MGAT4C: variants seen among roughly 807,000 people sequenced by gnomAD.
The protein encoded by MGAT4C is alpha-1,3-mannosyl-glycoprotein 4-beta-N-acetylglucosaminyltransferase C.
A neutral mutation model predicts 40.1 loss-of-function variants in MGAT4C; 19 were observed. The ratio of observed to expected loss-of-function variants is 0.47; its 90% CI spans 0.33 to 0.70. The LOEUF is 0.70. Ranked by LOEUF, MGAT4C falls within the 30% of genes least tolerant of loss-of-function variation. The pLI is 0.02. For missense variants in MGAT4C, 491 were observed against 563.2 expected (o/e 0.87, Z 1.30); for synonymous variants, 181 against 187.1 (o/e 0.97, Z 0.27).
intron 1 of MGAT4C, among the ~76,000 whole-genome samples, chr12:86,158,490 A>AAAAAG (rs1566067298): frequency 2.0e-5 from 3 of 152,304 alleles, no homozygotes. Context: ...ATAAATAAGC[A>AAAAAG]AAAATTTAAA....
At chr12:86,073,252 G>A (rs564762935) in intron 1 of MGAT4C, among the ~76,000 whole-genome samples, 1 of 152,260 alleles carries the variant, frequency 6.6e-6, no homozygotes, top group South Asian at 2.1e-4. Context: ...TGCCACAATT[G>A]TGAGGGCTTC....
chr12:86,024,781 G>C (rs11614214), intron 2 of MGAT4C, among the ~76,000 whole-genome samples: 36,102 of 151,660 alleles, frequency 0.24, 5,088 homozygotes, highest in Non-Finnish European at 0.32. Context: ...CAAATGTGAA[G>C]AATAAGTATC....
At chr12:86,472,194 C>T (rs1957766889) in intron 2 of MGAT4C, among the ~76,000 whole-genome samples, 2 of 152,100 alleles carry the variant, frequency 1.3e-5, no homozygotes, top group Admixed American at 6.5e-5. Flanking sequence ...TACTTTGTCT[C>T]CTTCCTATGT....
intron 2 of MGAT4C, among the ~76,000 whole-genome samples, chr12:86,623,727 T>G (rs1335638470): frequency 1.3e-5 from 2 of 152,208 alleles, no homozygotes; most frequent in Non-Finnish European, 2.9e-5. Flanking sequence ...AAAAGCCAGC[T>G]ATTTCAGAAC....
At chr12:86,706,403 C>T (rs1593135444) in intron 2 of MGAT4C, among the ~76,000 whole-genome samples, 1 of 151,910 alleles carries the variant, frequency 6.6e-6, no homozygotes, top group Admixed American at 6.6e-5. Context: ...TTATTTCATG[C>T]TAGGTTTAAA....
intron 1 of MGAT4C, among the ~76,000 whole-genome samples, chr12:86,131,139 G>C (rs1471631537): frequency 1.3e-5 from 2 of 151,930 alleles, no homozygotes; most frequent in African/African-American, 2.4e-5. Flanking sequence ...ATACGGCTTT[G>C]GACAAGTAAT....
intron 2 of MGAT4C, among the ~76,000 whole-genome samples, chr12:86,548,088 G>T (rs1959209540): frequency 6.6e-6 from 1 of 152,106 alleles, no homozygotes; most frequent in Admixed American, 6.5e-5. Context: ...GACTGTATGT[G>T]TATTTTATAG....
chr12:85,981,208 A>T (rs1482661951), intron 4 of MGAT4C, among the ~76,000 whole-genome samples: 1 of 152,156 alleles, frequency 6.6e-6, no homozygotes, highest in Non-Finnish European at 1.5e-5. Flanking sequence ...TAAAATTAGG[A>T]ATTAGATATG....
intron 1 of MGAT4C, among the ~76,000 whole-genome samples, chr12:86,244,452 C>A (rs896154088): frequency 1.3e-5 from 2 of 152,166 alleles, no homozygotes; most frequent in Non-Finnish European, 2.9e-5. Context: ...ATAGAGCTCC[C>A]CAAATTAAAC....
intron 2 of MGAT4C, among the ~76,000 whole-genome samples, chr12:86,601,003 C>G (rs1394706495): frequency 6.6e-6 from 1 of 152,224 alleles, no homozygotes; most frequent in Non-Finnish European, 1.5e-5. Context: ...TGTGCACACT[C>G]GCGGTAGTGC....
chr12:86,327,024 A>G (rs115221589), intron 4 of MGAT4C, among the ~76,000 whole-genome samples: 152 of 152,316 alleles, frequency 1.0e-3, no homozygotes, highest in African/African-American at 3.6e-3. Flanking sequence ...ACTTTTCCCT[A>G]CAATGACTAA....
chr12:86,704,574 A>C (rs893312970), intron 2 of MGAT4C, among the ~76,000 whole-genome samples: 7 of 152,158 alleles, frequency 4.6e-5, no homozygotes, highest in African/African-American at 1.7e-4. Flanking sequence ...GGGAGAAAGA[A>C]GGACAAAAAG....
chr12:86,110,842 A>G (rs1340061964), intron 1 of MGAT4C, among the ~76,000 whole-genome samples: 2 of 151,708 alleles, frequency 1.3e-5, no homozygotes, highest in Non-Finnish European at 3.0e-5. Context: ...AATTTATATG[A>G]TGATAACTAT....
chr12:86,714,898 C>A (rs1950620499), intron 2 of MGAT4C, among the ~76,000 whole-genome samples: 1 of 151,860 alleles, frequency 6.6e-6, no homozygotes, highest in African/African-American at 2.4e-5. Context: ...GATATTAAAA[C>A]AATAATAGCT....
chr12:86,501,494 A>T (rs972584107), intron 2 of MGAT4C, among the ~76,000 whole-genome samples: 2 of 68,410 alleles, frequency 2.9e-5, no homozygotes, highest in African/African-American at 5.4e-5. Flanking sequence ...TCCCCCGCCC[A>T]CCCTCCCTCA....
At chr12:86,296,100 A>G (rs12821590) in intron 4 of MGAT4C, among the ~76,000 whole-genome samples, 2 of 74,908 alleles carry the variant, frequency 2.7e-5, no homozygotes, top group Non-Finnish European at 5.0e-5. Context: ...ACAGAGTGTC[A>G]ATTGGTGCAC....
At chr12:86,423,825 A>G (rs1956876879) in intron 3 of MGAT4C, among the ~76,000 whole-genome samples, 1 of 152,214 alleles carries the variant, frequency 6.6e-6, no homozygotes, top group Admixed American at 6.5e-5. Context: ...TTGCCTAATA[A>G]TGAGAAAGTA....
In MGAT4C at chr12:86,040,047, C is replaced by T. The variant is rs188533885; in HGVS notation, c.-7+9627G>A. ...CAGACCCTGTTTGCCTGGGTACCAC[C>T]GGCAGATGCTGCAGAACAACCAAGA... On this transcript the variant is annotated intron_variant, in intron 2 of 4. Transcript: ENST00000611864. Among the ~76,000 whole-genome samples, 401 of 152,262 alleles carry T rather than the reference C, an allele frequency of 2.6e-3. 2 individuals are homozygous for T. Among genetic ancestry groups the T allele is most frequent in the African/African-American group, 9.0e-3 (373 of 41,548 alleles).
chr12:86,197,595 C>T (rs1949864443), intron 1 of MGAT4C, among the ~76,000 whole-genome samples: 1 of 152,160 alleles, frequency 6.6e-6, no homozygotes, highest in Non-Finnish European at 1.5e-5. Context: ...ACAGTTATCC[C>T]AGACTTCCAG....
Sources: allele counts gnomAD v4.1 joint callset (sites outside exome capture counted in the v4.1 genomes callset), GRCh38; gene constraint gnomAD v4.1.1; transcripts MANE v1.5; gene names NCBI Gene and HGNC (gene_info 2026-07-23, HGNC 2026-07-21).